The following LMO7 variants were observed in gnomAD, a reference collection of about 807,000 sequenced individuals.
The protein encoded by LMO7 is LIM domain 7.
In LMO7, 120 loss-of-function variants were observed where a neutral mutation model predicts 206.5. The ratio of observed to expected loss-of-function variants is 0.58; its 90% CI spans 0.50 to 0.68. The LOEUF (loss-of-function observed/expected upper bound fraction) is 0.68, where lower values mean the gene tolerates loss of function less well. Among genes scored for constraint, LMO7 ranks in the 30% least tolerant of loss-of-function variants. The pLI is 0.00. For synonymous variants in LMO7, 706 were observed against 681.5 expected (o/e 1.04, Z -0.56); for missense variants, 1,959 against 1,957.9 (o/e 1.00, Z -0.01).
At chr13:75,659,579 G>A (rs2038381106) in intron 1 of LMO7, among the ~76,000 whole-genome samples, 2 of 143,756 alleles carry the variant, frequency 1.4e-5, no homozygotes, top group South Asian at 4.7e-4. Flanking sequence ...TATCTCGTGA[G>A]ACTTATTCAC....
intron 23 of LMO7, 99 bp from the exon 24 acceptor site, chr13:75,841,529 C>G (rs2059556268): frequency 1.2e-6 from 1 of 863,744 alleles, no homozygotes; most frequent in African/African-American, 1.7e-5. Flanking sequence ...CCTGGGCCAA[C>G]TATAGTTAGT....
At chr13:75,715,429 T>C (rs1396055422) in intron 2 of LMO7, among the ~76,000 whole-genome samples, 1 of 152,228 alleles carries the variant, frequency 6.6e-6, no homozygotes, top group Admixed American at 6.5e-5. Context: ...CCAAAGCTAA[T>C]TCTAATATTG....
chr13:75,790,602 A>C (rs2053134914), intron 4 of LMO7, among the ~76,000 whole-genome samples: 1 of 152,192 alleles, frequency 6.6e-6, no homozygotes, highest in Admixed American at 6.5e-5. Context: ...ACTTGGTACT[A>C]GTATTTTAAA....
intron 2 of LMO7, among the ~76,000 whole-genome samples, chr13:75,725,152 T>G (rs990873675): frequency 1.1e-4 from 17 of 152,154 alleles, no homozygotes; most frequent in Non-Finnish European, 2.4e-4. Context: ...AAACTGTATT[T>G]TTTTTAAATG....
chr13:75,671,529 C>T (rs886567885), intron 1 of LMO7, among the ~76,000 whole-genome samples: 1 of 152,146 alleles, frequency 6.6e-6, no homozygotes, highest in African/African-American at 2.4e-5. Context: ...ACTTTTCTGT[C>T]TCCCAGTGTC....
At chr13:75,824,261 C>T (rs543293046) in intron 15 of LMO7, among the ~76,000 whole-genome samples, 1 of 152,280 alleles carries the variant, frequency 6.6e-6, no homozygotes, top group East Asian at 1.9e-4. Context: ...GAAGCCCTTT[C>T]CCAGGGAACT....
At chr13:75,825,050 A>G (rs901402209) in intron 15 of LMO7, among the ~76,000 whole-genome samples, 1 of 152,270 alleles carries the variant, frequency 6.6e-6, no homozygotes, top group East Asian at 1.9e-4. Flanking sequence ...TCATTTAGAG[A>G]TAATCACTGT....
Position 75,656,016 on chromosome 13 carries a change from T to C in LMO7, c.69+19290T>C, listed in dbSNP as rs527680984. On this transcript the variant is annotated intron_variant, in intron 1 of 30. Transcript: ENST00000377534. ...AGCAGGAGATGTCTCTGCTCCTAGG[T>C]TCCTTTGTTTTTCTGCCTTCAGGAA... Among the ~76,000 whole-genome samples, 5 of 152,212 alleles carry C rather than the reference T, an allele frequency of 3.3e-5. No homozygotes were observed. The South Asian group carries it at 1.0e-3, about 32-fold the overall frequency.
chr13:75,637,387 A>G (rs930769695), intron 1 of LMO7, among the ~76,000 whole-genome samples: 1 of 152,194 alleles, frequency 6.6e-6, no homozygotes, highest in African/African-American at 2.4e-5. Context: ...TGCCTCACAG[A>G]CAAGATCTTC....
chr13:75,841,054 T>C, intron 22 of LMO7, 55 bp from the exon 23 acceptor site: 1 of 1,090,088 alleles, frequency 9.2e-7, no homozygotes. Flanking sequence ...ATAAAGAAGA[T>C]TCCTAATGTG....
At chr13:75,716,703 T>C (rs1002244144) in intron 2 of LMO7, among the ~76,000 whole-genome samples, 1 of 152,154 alleles carries the variant, frequency 6.6e-6, no homozygotes, top group African/African-American at 2.4e-5. Flanking sequence ...TGCCTTATTA[T>C]ATATATTTAA....
chr13:75,845,273 A>T (rs1046730622), intron 25 of LMO7, 54 bp from the exon 26 acceptor site: 3 of 837,720 alleles, frequency 3.6e-6, no homozygotes, highest in Non-Finnish European at 5.4e-6. Context: ...CTTCATAAAT[A>T]TAAAGGAGGT....
chr13:75,804,261 A>G (rs2055155040), intron 7 of LMO7, 28 bp from the exon 8 acceptor site: 1 of 1,601,568 alleles, frequency 6.2e-7, no homozygotes, highest in Admixed American at 1.7e-5. Context: ...TCTGGAGAGT[A>G]AAGCAAATTC....
At chr13:75,699,415 T>TG (rs1199675404) in intron 1 of LMO7, among the ~76,000 whole-genome samples, 6 of 146,120 alleles carry the variant, frequency 4.1e-5, no homozygotes, top group African/African-American at 1.4e-4. Flanking sequence ...TTTTTTTTTT[T>TG]TTTTTTTACT....
rs143876698 is a variant in LMO7, at chr13:75,779,021, G to A, written c.318-16380G>A. ...GAATTCAAGAGATATTTAGGAGCTCGAATTGATGGGATTTGGTGATGAGAG... is the reference window on the plus strand; with the variant it reads ...GAATTCAAGAGATATTTAGGAGCTCAAATTGATGGGATTTGGTGATGAGAG... On this transcript the variant is annotated intron_variant, in intron 4 of 30. Coordinates refer to ENST00000377534, the MANE Select transcript of LMO7 (RefSeq NM_001306080.2). Among the ~76,000 whole-genome samples the A allele has an allele frequency of 8.9e-4, 135 of 152,196 alleles. 1 individual carries two copies. The highest frequency in any genetic ancestry group is 1.5e-3 in the Non-Finnish European group (102 of 68,012).
intron 4 of LMO7, among the ~76,000 whole-genome samples, chr13:75,767,223 AT>A (rs1009407680): frequency 2.0e-5 from 3 of 152,150 alleles, no homozygotes; most frequent in South Asian, 4.1e-4. Flanking sequence ...CATTTAAATA[AT>A]TTTTTTATAT....
Position 75,858,143 on chromosome 13 carries a change from G to A in LMO7, c.*200G>A, listed in dbSNP as rs2061113662. ...TTTGTTGTTTATTTATAAGGTAATT[G>A]TGTGTGGGGAAAAGTGCAGTATTTA... On this transcript the variant is annotated 3_prime_UTR_variant, in exon 31 of 31. Transcript: ENST00000377534. The A allele has an allele frequency of 4.1e-6, 2 of 489,134 alleles. No individual in the cohort carries two copies. Among genetic ancestry groups the A allele is most frequent in the Non-Finnish European group, 7.1e-6 (2 of 283,420 alleles). The allele number at this position is 489,134 out of a possible 1,614,324, so 30.3% of individuals were successfully genotyped here. A position where few individuals can be genotyped will look rare whatever the true frequency, so the allele number is the denominator to read the frequency against.
At position 75,834,454 on chromosome 13, in the gene LMO7, A is replaced by G. The variant is rs1312585843; in HGVS notation, c.3226+67A>G. Reference sequence around the variant, plus strand: ...ACCTGGCCGTTGGCAAGTGGTTCTAACAATTTGCTTCAATAACTTTTTATT... The same window carrying G: ...ACCTGGCCGTTGGCAAGTGGTTCTAGCAATTTGCTTCAATAACTTTTTATT... On this transcript the variant is annotated intron_variant, in intron 17 of 30. Transcript: ENST00000377534. 9.0e-6 allele frequency: 11 copies of G among 1,218,460 alleles called. No individual in the cohort carries two copies. In the African/African-American group the frequency reaches 1.7e-4, roughly 19 times the overall value. 75.5% of individuals were successfully genotyped at this position (1,218,460 alleles called of 1,614,324 possible).
At chr13:75,719,094 C>T (rs1379581320) in intron 2 of LMO7, among the ~76,000 whole-genome samples, 1 of 151,944 alleles carries the variant, frequency 6.6e-6, no homozygotes, top group East Asian at 1.9e-4. Flanking sequence ...ATTCTCCTGC[C>T]TCAGCCTCTC....
Sources: allele counts gnomAD v4.1 joint callset (sites outside exome capture counted in the v4.1 genomes callset), GRCh38; gene constraint gnomAD v4.1.1; transcripts MANE v1.5; gene names NCBI Gene and HGNC (gene_info 2026-07-23, HGNC 2026-07-21).